Variants in C1QTNF3 observed in about 807,000 individuals in gnomAD.
C1QTNF3 encodes the protein C1q and TNF related 3, also known as complement C1q tumor necrosis factor-related protein 3.
A neutral mutation model predicts 32.6 loss-of-function variants in C1QTNF3; 26 were observed. The ratio of observed to expected loss-of-function variants is 0.80; its 90% CI spans 0.58 to 1.11. C1QTNF3 has a LOEUF of 1.11. Ranked by LOEUF, C1QTNF3 falls within the 50% of genes least tolerant of loss-of-function variation. C1QTNF3 has a pLI of 0.00. For synonymous variants in C1QTNF3, 155 were observed against 146.0 expected (o/e 1.06, Z -0.44); for missense variants, 362 against 398.2 (o/e 0.91, Z 0.77).
At chr5:34,068,707 T>C in the C1QTNF3 span, among the ~76,000 whole-genome samples, 1 of 152,162 alleles carries the variant, frequency 6.6e-6, no homozygotes. Flanking sequence ...TCAATAGTCT[T>C]TTTATGATAT....
chr5:34,056,383 T>C, the C1QTNF3 span, among the ~76,000 whole-genome samples: 3 of 148,712 alleles, frequency 2.0e-5, no homozygotes, highest in Non-Finnish European at 4.4e-5. Flanking sequence ...ATCATACTTA[T>C]TAACTTTTAC....
the C1QTNF3 span, among the ~76,000 whole-genome samples, chr5:34,091,687 T>C: frequency 6.6e-6 from 1 of 151,768 alleles, no homozygotes; most frequent in Non-Finnish European, 1.5e-5. Flanking sequence ...ACCTTCTCTT[T>C]TCTTTAAGAT....
chr5:34,091,071 T>C, the C1QTNF3 span, among the ~76,000 whole-genome samples: 49 of 152,166 alleles, frequency 3.2e-4, no homozygotes, highest in Non-Finnish European at 6.3e-4. Context: ...GATGCGTGTA[T>C]TGAAGGTGTT....
chr5:34,164,844 G>A, the C1QTNF3 span: 5 of 129,784 alleles, frequency 3.9e-5, no homozygotes, highest in African/African-American at 8.0e-5. Flanking sequence ...ACACACACAC[G>A]AAAAGCCTGT....
the C1QTNF3 span, among the ~76,000 whole-genome samples, chr5:34,103,078 T>C: frequency 3.3e-5 from 5 of 152,252 alleles, no homozygotes; most frequent in Non-Finnish European, 7.3e-5. Flanking sequence ...ATTTCCATTT[T>C]ATTTTTGAAA....
At chr5:34,156,363 G>A in the C1QTNF3 span, among the ~76,000 whole-genome samples, 2 of 152,164 alleles carry the variant, frequency 1.3e-5, no homozygotes, top group South Asian at 2.1e-4. Flanking sequence ...GAGCCACTAC[G>A]CCCGGCTTCC....
At chr5:34,101,530 C>CT in the C1QTNF3 span, among the ~76,000 whole-genome samples, 6 of 150,320 alleles carry the variant, frequency 4.0e-5, no homozygotes, top group Admixed American at 4.0e-4. Context: ...TAGAATTAGA[C>CT]TTTTCTTTCT....
At chr5:34,166,398 C>G in the C1QTNF3 span, 33 of 151,908 alleles carry the variant, frequency 2.2e-4, 1 homozygote, top group Non-Finnish European at 8.8e-5. Flanking sequence ...GACTGTTGCT[C>G]TGTTCCCAGG....
chr5:34,160,087 C>T, the C1QTNF3 span, among the ~76,000 whole-genome samples: 2 of 152,110 alleles, frequency 1.3e-5, no homozygotes, highest in African/African-American at 2.4e-5. Context: ...TAGGTAGCCC[C>T]TACCATCAGA....
At chr5:34,103,113 A>G in the C1QTNF3 span, among the ~76,000 whole-genome samples, 1 of 152,188 alleles carries the variant, frequency 6.6e-6, no homozygotes, top group Non-Finnish European at 1.5e-5. Context: ...GTTGAATTGA[A>G]TATTTCTGCA....
At chr5:34,212,578 T>A in the C1QTNF3 span, among the ~76,000 whole-genome samples, 8 of 151,566 alleles carry the variant, frequency 5.3e-5, no homozygotes, top group African/African-American at 1.9e-4. Context: ...AACAACCCCA[T>A]CAAAAAGTTG....
At chr5:34,177,989 G>GGGCATGGTGGCTC in the C1QTNF3 span, among the ~76,000 whole-genome samples, 4 of 151,826 alleles carry the variant, frequency 2.6e-5, no homozygotes, top group Non-Finnish European at 5.9e-5. Flanking sequence ...AACGGGGGCT[G>GGGCATGGTGGCTC]GGCATGGTGG....
chr5:34,203,699 AAAAG>A, the C1QTNF3 span, among the ~76,000 whole-genome samples: 6 of 152,044 alleles, frequency 3.9e-5, no homozygotes, highest in African/African-American at 1.4e-4. Flanking sequence ...GTAAAAAAAA[AAAAG>A]AAAGGTAGAT....
the C1QTNF3 span, chr5:34,158,339 T>A: frequency 6.6e-6 from 1 of 152,096 alleles, no homozygotes; most frequent in Admixed American, 6.6e-5. Context: ...GCTCCTGACC[T>A]CAAGTGATCC....
At chr5:34,161,651 T>C in the C1QTNF3 span, among the ~76,000 whole-genome samples, 1 of 152,214 alleles carries the variant, frequency 6.6e-6, no homozygotes, top group Admixed American at 6.5e-5. Context: ...ACAATGTCCA[T>C]TGGACTTTTG....
chr5:34,165,370 T>C, the C1QTNF3 span: 1 of 152,080 alleles, frequency 6.6e-6, no homozygotes, highest in African/African-American at 2.4e-5. Flanking sequence ...TCTCTCTCTG[T>C]ATGTGTAGGT....
chr5:34,043,376 C>G (rs1754923212), upstream of C1QTNF3: 1 of 492,312 alleles, frequency 2.0e-6, no homozygotes, highest in East Asian at 3.3e-5. Context: ...TCCCAGTTGG[C>G]GAAATTCATA....
chr5:34,144,038 T>C, the C1QTNF3 span, among the ~76,000 whole-genome samples: 1 of 151,834 alleles, frequency 6.6e-6, no homozygotes, highest in Non-Finnish European at 1.5e-5. Context: ...AAGAGACCTA[T>C]AATAAAATCC....
At chr5:34,109,881 TC>T in the C1QTNF3 span, among the ~76,000 whole-genome samples, 1 of 152,290 alleles carries the variant, frequency 6.6e-6, no homozygotes, top group Non-Finnish European at 1.5e-5. Flanking sequence ...ACATGGTGGC[TC>T]CATGTGGTCT....
Sources: gnomAD v4.1 joint callset for allele counts (sites outside exome capture counted in the v4.1 genomes callset) on GRCh38, gnomAD v4.1.1 for gene constraint, MANE v1.5 for transcripts, NCBI Gene and HGNC (gene_info 2026-07-23, HGNC 2026-07-21) for gene names.